Variants in GAB2 observed in about 807,000 individuals in gnomAD.
The protein encoded by GAB2 is GRB2-associated-binding protein 2.
In GAB2, 26 loss-of-function variants were observed where a neutral mutation model predicts 65.5. The observed-to-expected ratio is 0.40, with a 90% CI of 0.29 to 0.55. GAB2 has a LOEUF of 0.55. Ranked by LOEUF, GAB2 falls within the 20% of genes least tolerant of loss-of-function variation. The pLI, the probability that GAB2 is intolerant of heterozygous loss-of-function variation, is 0.53. For synonymous variants in GAB2, 321 were observed against 329.6 expected (o/e 0.97, Z 0.28); for missense variants, 884 against 875.8 (o/e 1.01, Z -0.12).
intron 1 of GAB2, among the ~76,000 whole-genome samples, chr11:78,404,876 G>T (rs569511839): frequency 6.6e-6 from 1 of 152,228 alleles, no homozygotes; most frequent in African/African-American, 2.4e-5. Flanking sequence ...ATAATTTATT[G>T]TATACTTCAA....
At chr11:78,289,900 G>T (rs1866608512) in intron 1 of GAB2, among the ~76,000 whole-genome samples, 2 of 146,774 alleles carry the variant, frequency 1.4e-5, no homozygotes, top group African/African-American at 5.1e-5. Flanking sequence ...GATAAAATAG[G>T]TTCAGAGAAT....
At chr11:78,261,767 T>C (rs1259649251) in intron 2 of GAB2, among the ~76,000 whole-genome samples, 1 of 152,148 alleles carries the variant, frequency 6.6e-6, no homozygotes, top group Non-Finnish European at 1.5e-5. Flanking sequence ...TGAGCTTACA[T>C]GCAGTCAGAA....
At chr11:78,366,400 C>A (rs556342441) in intron 1 of GAB2, among the ~76,000 whole-genome samples, 186 of 151,676 alleles carry the variant, frequency 1.2e-3, no homozygotes, top group Non-Finnish European at 2.3e-3. Context: ...GCCAACATGG[C>A]GAAATTAGAT....
At chr11:78,378,010 CGTGA>C (rs982590864) in intron 1 of GAB2, among the ~76,000 whole-genome samples, 3 of 152,206 alleles carry the variant, frequency 2.0e-5, no homozygotes, top group African/African-American at 7.2e-5. Context: ...ACACCTACCA[CGTGA>C]GTGTCAGGTG....
intron 1 of GAB2, among the ~76,000 whole-genome samples, chr11:78,353,194 A>G (rs374027053): frequency 1.3e-5 from 2 of 152,170 alleles, no homozygotes; most frequent in Non-Finnish European, 2.9e-5. Context: ...TAATCCCAGC[A>G]CTTTGGGAGG....
chr11:78,330,257 C>T (rs1224645128), intron 1 of GAB2, among the ~76,000 whole-genome samples: 1 of 152,196 alleles, frequency 6.6e-6, no homozygotes, highest in Non-Finnish European at 1.5e-5. Flanking sequence ...CATCTAATTC[C>T]TTGTATTAAA....
chr11:78,322,936 A>G (rs183091650), intron 1 of GAB2, among the ~76,000 whole-genome samples: 1 of 152,322 alleles, frequency 6.6e-6, no homozygotes, highest in Non-Finnish European at 1.5e-5. Context: ...TAAAAATAGA[A>G]CTACCATTCA....
chr11:78,236,608 G>T (rs893402066), intron 3 of GAB2, among the ~76,000 whole-genome samples: 1 of 152,196 alleles, frequency 6.6e-6, no homozygotes, highest in African/African-American at 2.4e-5. Flanking sequence ...GGGTTCCTTA[G>T]AAGTCCTTTA....
chr11:78,354,245 G>A (rs946852391), intron 1 of GAB2, among the ~76,000 whole-genome samples: 3 of 152,142 alleles, frequency 2.0e-5, no homozygotes, highest in South Asian at 4.1e-4. Flanking sequence ...CAGGCTGTAC[G>A]TTTTGAAAGA....
rs142574717 is a variant in GAB2 at position 78,304,784 on chromosome 11, A to C, written c.76-23883T>G. Reference sequence around the variant, plus strand: ...AGCACTGTCCTACAGTGCCAAGTCTAAACTACTCAGGATAGCATTCAAGGG... The same window carrying C: ...AGCACTGTCCTACAGTGCCAAGTCTCAACTACTCAGGATAGCATTCAAGGG... On this transcript the variant is annotated intron_variant, in intron 1 of 9. Coordinates refer to ENST00000361507, the MANE Select transcript of GAB2 (RefSeq NM_080491.3). Among the ~76,000 whole-genome samples the C allele has an allele frequency of 3.1e-3, 477 of 152,280 alleles. 5 individuals are homozygous for C. Among genetic ancestry groups the C allele is most frequent in the South Asian group, 0.029 (142 of 4,820 alleles).
chr11:78,380,914 C>T (rs1856689578), intron 1 of GAB2, among the ~76,000 whole-genome samples: 1 of 152,068 alleles, frequency 6.6e-6, no homozygotes, highest in African/African-American at 2.4e-5. Context: ...AACGTATGCA[C>T]TGGTCTTGTA....
At chr11:78,228,929 C>A (rs1256846622) in intron 3 of GAB2, among the ~76,000 whole-genome samples, 1 of 152,174 alleles carries the variant, frequency 6.6e-6, no homozygotes, top group African/African-American at 2.4e-5. Context: ...TTCCAACTCT[C>A]TGTTGGATGC....
At chr11:78,412,031 AAACAAC>A (rs373083805) in intron 1 of GAB2, among the ~76,000 whole-genome samples, 15 of 150,764 alleles carry the variant, frequency 9.9e-5, no homozygotes, top group African/African-American at 2.5e-4. Context: ...ATCTGTCTAA[AAACAAC>A]AACAACAACA....
At chr11:78,289,477 G>C (rs543615091) in intron 1 of GAB2, among the ~76,000 whole-genome samples, 22 of 152,252 alleles carry the variant, frequency 1.4e-4, no homozygotes, top group Middle Eastern at 3.4e-3. Flanking sequence ...TCCTTGTATA[G>C]AATTCAGTAA....
chr11:78,384,443 G>A (rs1347333974), intron 1 of GAB2, among the ~76,000 whole-genome samples: 1 of 152,172 alleles, frequency 6.6e-6, no homozygotes, highest in African/African-American at 2.4e-5. Context: ...CAGTGGCTGA[G>A]GCCAGAGATC....
chr11:78,345,050 C>T (rs189833030), intron 1 of GAB2, among the ~76,000 whole-genome samples: 58 of 152,086 alleles, frequency 3.8e-4, no homozygotes, highest in African/African-American at 1.3e-3. Flanking sequence ...GGGAGGGAGG[C>T]GGGTGAATCA....
At chr11:78,327,192 T>C (rs1855838180) in intron 1 of GAB2, among the ~76,000 whole-genome samples, 2 of 152,212 alleles carry the variant, frequency 1.3e-5, no homozygotes, top group Admixed American at 6.5e-5. Flanking sequence ...CCTCATGTCA[T>C]ATTATCATCA....
At chr11:78,220,221 A>G (rs2134451536) in intron 9 of GAB2, 98 bp downstream of exon 9, 1 of 1,255,596 alleles carries the variant, frequency 8.0e-7, no homozygotes, top group Non-Finnish European at 1.1e-6. Flanking sequence ...AGGGAGGCTG[A>G]GTGCTGCTGT....
intron 3 of GAB2, among the ~76,000 whole-genome samples, chr11:78,242,318 C>T (rs111543758): frequency 0.033 from 4,998 of 151,940 alleles, 256 homozygotes; most frequent in African/African-American, 0.11. Context: ...CTGGCTAACA[C>T]GGTGAAACCC....
Sources: gnomAD v4.1 joint callset for allele counts (sites outside exome capture counted in the v4.1 genomes callset) on GRCh38, gnomAD v4.1.1 for gene constraint, MANE v1.5 for transcripts, NCBI Gene and HGNC (gene_info 2026-07-23, HGNC 2026-07-21) for gene names.